The following MOCOS variants were observed in gnomAD, a reference collection of about 807,000 sequenced individuals.
The protein encoded by MOCOS is molybdenum cofactor sulfurase.
In MOCOS, 86 loss-of-function variants were observed where a neutral mutation model predicts 83.6. The observed-to-expected ratio is 1.03, with a 90% CI of 0.86 to 1.23. The LOEUF (loss-of-function observed/expected upper bound fraction) is 1.23, where lower values mean the gene tolerates loss of function less well. Among genes scored for constraint, MOCOS ranks in the 50% most tolerant of loss-of-function variants. The pLI, the probability that MOCOS is intolerant of heterozygous loss-of-function variation, is 0.00. For synonymous variants in MOCOS, 445 were observed against 434.7 expected (o/e 1.02, Z -0.29); for missense variants, 1,120 against 1,126.9 (o/e 0.99, Z 0.09).
intron 13 of MOCOS, among the ~76,000 whole-genome samples, chr18:36,262,789 G>T (rs763292283): frequency 1.3e-5 from 2 of 152,202 alleles, no homozygotes; most frequent in Non-Finnish European, 2.9e-5. Flanking sequence ...AGGCCACCAC[G>T]CTTGGCAATA....
At chr18:36,188,648 G>A (rs908115637) in intron 1 of MOCOS, among the ~76,000 whole-genome samples, 2 of 152,212 alleles carry the variant, frequency 1.3e-5, no homozygotes, top group Admixed American at 6.5e-5. Context: ...CCTTCTGGGG[G>A]CAGAACAGCA....
At chr18:36,223,565 T>G (rs1239149547) in intron 9 of MOCOS, among the ~76,000 whole-genome samples, 3 of 152,162 alleles carry the variant, frequency 2.0e-5, no homozygotes, top group Non-Finnish European at 2.9e-5. Context: ...GATTAATTAG[T>G]TTATTTGTCA....
At position 36,213,588 on chromosome 18, in the gene MOCOS, C is replaced by T. The variant is rs181628247; in HGVS notation, c.1335+106C>T. On this transcript the variant is annotated intron_variant, in intron 7 of 14. Coordinates refer to ENST00000261326, the MANE Select transcript of MOCOS (RefSeq NM_017947.4). ...GGCTGCTGCTGCATACTCATTTCTC[C>T]ACGCCTACTCTGTGCATGTACAAAG... The T allele has an allele frequency of 1.1e-5, 10 of 895,334 alleles. No homozygotes were observed. The Admixed American group carries it at 1.5e-4, about 13-fold the overall frequency. 55.5% of individuals were successfully genotyped at this position (895,334 alleles called of 1,614,324 possible).
At chr18:36,231,959 C>CT (rs946007666) in intron 9 of MOCOS, among the ~76,000 whole-genome samples, 38 of 151,950 alleles carry the variant, frequency 2.5e-4, no homozygotes, top group East Asian at 7.7e-4. Flanking sequence ...CATTAAAATT[C>CT]TTTTTTTTGT....
chr18:36,249,559 G>T (rs968779016), intron 10 of MOCOS, among the ~76,000 whole-genome samples: 1 of 152,114 alleles, frequency 6.6e-6, no homozygotes, highest in African/African-American at 2.4e-5. Context: ...CAACACTCCA[G>T]AGGAGGCCTC....
At chr18:36,195,386 T>G (rs776566899) in intron 2 of MOCOS, 40 bp downstream of exon 2, 2 of 1,502,162 alleles carry the variant, frequency 1.3e-6, no homozygotes, top group Admixed American at 3.3e-5. Context: ...GTCAACTACA[T>G]GCAGCTGATA....
intron 2 of MOCOS, 112 bp from the exon 3 acceptor site, chr18:36,198,578 A>G: frequency 1.0e-6 from 1 of 988,078 alleles, no homozygotes; most frequent in Non-Finnish European, 1.6e-6. Flanking sequence ...GTTAGGTGAT[A>G]TGGTAGTTTT....
chr18:36,262,272 C>CACACACACACACACACACACACACAT (rs1200370964), intron 13 of MOCOS, among the ~76,000 whole-genome samples: 2 of 151,312 alleles, frequency 1.3e-5, no homozygotes, highest in African/African-American at 4.9e-5. Flanking sequence ...CACACACACA[C>CACACACACACACACACACACACACAT]ACACGAAAAA....
intron 9 of MOCOS, among the ~76,000 whole-genome samples, chr18:36,246,559 C>G (rs114044640): frequency 0.013 from 2,010 of 152,208 alleles, 43 homozygotes; most frequent in African/African-American, 0.045. Flanking sequence ...GTTGGGAGTC[C>G]TTGGTTGTAG....
intron 9 of MOCOS, among the ~76,000 whole-genome samples, chr18:36,220,490 CAG>C (rs1260288614): frequency 2.0e-5 from 3 of 151,932 alleles, no homozygotes; most frequent in Non-Finnish European, 4.4e-5. Flanking sequence ...GCCTGGGCGA[CAG>C]AGCAAGACCT....
chr18:36,204,996 CAAAAAAAAA>C, intron 5 of MOCOS, 72 bp from the exon 6 acceptor site: 1 of 422,346 alleles, frequency 2.4e-6, no homozygotes, highest in Non-Finnish European at 3.8e-6. Context: ...GACCGTGTCT[CAAAAAAAAA>C]AAAAAAAAAA....
chr18:36,195,413 A>C, intron 2 of MOCOS, 67 bp downstream of exon 2: 1 of 1,360,384 alleles, frequency 7.4e-7, no homozygotes, highest in Non-Finnish European at 1.1e-6. Context: ...TGCATGTTAA[A>C]CGCTGGATTA....
At chr18:36,196,654 A>G (rs1408961756) in intron 2 of MOCOS, among the ~76,000 whole-genome samples, 1 of 152,186 alleles carries the variant, frequency 6.6e-6, no homozygotes, top group African/African-American at 2.4e-5. Flanking sequence ...TGCAGTTTGC[A>G]AAGGTTCTTG....
chr18:36,257,702 A>T (rs1256283758), intron 12 of MOCOS, among the ~76,000 whole-genome samples: 1 of 151,978 alleles, frequency 6.6e-6, no homozygotes, highest in Non-Finnish European at 1.5e-5. Context: ...ATGAGGAAAA[A>T]TCACCCAGCT....
intron 14 of MOCOS, among the ~76,000 whole-genome samples, chr18:36,268,051 T>C (rs573909242): frequency 6.6e-6 from 1 of 152,320 alleles, no homozygotes; most frequent in South Asian, 2.1e-4. Context: ...TGGTTAACAT[T>C]GAGCAGACTT....
At chr18:36,206,801 T>G (rs1179330516) in intron 6 of MOCOS, among the ~76,000 whole-genome samples, 1 of 152,208 alleles carries the variant, frequency 6.6e-6, no homozygotes, top group African/African-American at 2.4e-5. Flanking sequence ...ATCATGTTGC[T>G]GCAAAGGACT....
chr18:36,187,635 G>A lies in MOCOS; in HGVS notation c.96G>A (p.Pro32=), dbSNP rs1270742735. Residue 32 remains proline, a synonymous_variant, in exon 1 of 15, where the codon CCG becomes CCA. Transcript: ENST00000261326. ...SAPRLAYGYG[P]GSLRELRARE... is the part of the protein sequence containing the mutation. ...CGCGGCTAGCCTACGGCTACGGCCC[G>A]GGCAGCCTGCGCGAGCTGCGGGCGC... 12 of 1,250,818 alleles carry A rather than the reference G, an allele frequency of 9.6e-6. No individual in the cohort carries two copies. The highest frequency in any genetic ancestry group is 1.1e-5 in the Non-Finnish European group (11 of 997,330). 77.5% of individuals were successfully genotyped at this position (1,250,818 alleles called of 1,614,324 possible).
intron 1 of MOCOS, among the ~76,000 whole-genome samples, chr18:36,191,182 C>A (rs2091364664): frequency 6.6e-6 from 1 of 152,086 alleles, no homozygotes; most frequent in African/African-American, 2.4e-5. Context: ...CCAGCCATGA[C>A]TCCTATACAG....
intron 1 of MOCOS, chr18:36,189,793 A>C (rs2091357840): frequency 6.6e-6 from 1 of 152,194 alleles, no homozygotes; most frequent in South Asian, 2.1e-4. Flanking sequence ...ATGCCATTTA[A>C]CTTTGGGGTA....
Sources: allele counts gnomAD v4.1 joint callset (sites outside exome capture counted in the v4.1 genomes callset), GRCh38; gene constraint gnomAD v4.1.1; transcripts MANE v1.5; gene names NCBI Gene and HGNC (gene_info 2026-07-23, HGNC 2026-07-21).